ARHGEF28: variants seen among roughly 807,000 people sequenced by gnomAD.
The protein encoded by ARHGEF28 is 190 kDa guanine nucleotide exchange factor.
ARHGEF28 carries 152 observed loss-of-function variants against 206.6 expected under a neutral mutation model. The ratio of observed to expected loss-of-function variants is 0.74; its 90% CI spans 0.64 to 0.84. ARHGEF28 has a LOEUF of 0.84. Among genes scored for constraint, ARHGEF28 ranks in the 40% least tolerant of loss-of-function variants. The pLI is 0.00. For synonymous variants in ARHGEF28, 763 were observed against 776.4 expected (o/e 0.98, Z 0.29); for missense variants, 2,028 against 2,073.2 (o/e 0.98, Z 0.42).
At chr5:73,792,622 G>C (rs1754545374) in intron 7 of ARHGEF28, among the ~76,000 whole-genome samples, 1 of 150,480 alleles carries the variant, frequency 6.6e-6, no homozygotes, top group African/African-American at 2.4e-5. Flanking sequence ...TGAAACTCTG[G>C]TCCAGGTTAT....
intron 2 of ARHGEF28, among the ~76,000 whole-genome samples, chr5:73,718,751 G>C (rs926429791): frequency 1.5e-4 from 23 of 152,074 alleles, no homozygotes; most frequent in African/African-American, 5.1e-4. Flanking sequence ...TACTCCTGAG[G>C]GACATCTTTC....
Position 73,867,831 on chromosome 5 carries a change from A to T in ARHGEF28, c.2153-45A>T, listed in dbSNP as rs1304592804. On this transcript the variant is annotated intron_variant, in intron 18 of 35. Transcript: ENST00000513042. Reference sequence around the variant, plus strand: ...TTTTAAGTGACTACTTTTACTTGTAATTACTGACCTGGAAACCACATGAAG... The same window carrying T: ...TTTTAAGTGACTACTTTTACTTGTATTTACTGACCTGGAAACCACATGAAG... 5.0e-6 allele frequency: 8 copies of T among 1,611,900 alleles called. No individual in the cohort carries two copies. In the African/African-American group the frequency reaches 1.1e-4, roughly 22 times the overall value.
chr5:73,935,294 T>G (rs1455702841), intron 35 of ARHGEF28, among the ~76,000 whole-genome samples: 1 of 152,096 alleles, frequency 6.6e-6, no homozygotes, highest in Non-Finnish European at 1.5e-5. Flanking sequence ...CACAGCACAC[T>G]TCAGTTGTTT....
At chr5:73,904,091 C>T in intron 31 of ARHGEF28, 131 bp from the exon 32 acceptor site, 8 of 806,260 alleles carry the variant, frequency 9.9e-6, no homozygotes, top group Non-Finnish European at 1.6e-5. Context: ...GAAACTGAGT[C>T]AGTATAGATA....
At chr5:73,930,043 C>T (rs1764019557) in intron 35 of ARHGEF28, among the ~76,000 whole-genome samples, 1 of 151,990 alleles carries the variant, frequency 6.6e-6, no homozygotes, top group South Asian at 2.1e-4. Flanking sequence ...GGGATCTTAC[C>T]AATTTTTTCC....
intron 25 of ARHGEF28, 94 bp from the exon 26 acceptor site, chr5:73,887,509 C>T: frequency 2.1e-6 from 2 of 962,578 alleles, no homozygotes; most frequent in Non-Finnish European, 3.0e-6. Context: ...ATAAAACTTT[C>T]ATACTTAGAC....
chr5:73,857,824 T>C (rs1223278836), intron 15 of ARHGEF28, 45 bp downstream of exon 15: 4 of 1,571,068 alleles, frequency 2.5e-6, no homozygotes, highest in South Asian at 2.4e-5. Flanking sequence ...ATAGACATTT[T>C]AGTTTCTCAG....
At chr5:73,904,201 C>T (rs749158265) in intron 31 of ARHGEF28, 21 bp from the exon 32 acceptor site, 15 of 1,612,440 alleles carry the variant, frequency 9.3e-6, no homozygotes, top group Non-Finnish European at 1.3e-5. Context: ...TATTCATTTT[C>T]TTGTTTTTTA....
At chr5:73,630,030 G>A (rs534898517) in intron 1 of ARHGEF28, among the ~76,000 whole-genome samples, 43 of 152,290 alleles carry the variant, frequency 2.8e-4, no homozygotes, top group African/African-American at 9.9e-4. Context: ...CAGGCAAATA[G>A]CATTCTGCCT....
intron 9 of ARHGEF28, among the ~76,000 whole-genome samples, chr5:73,827,438 C>T (rs976388413): frequency 6.6e-6 from 1 of 152,136 alleles, no homozygotes; most frequent in African/African-American, 2.4e-5. Context: ...TTATAGGGTG[C>T]TTACTATGTC....
chr5:73,789,009 C>G (rs1339848628), intron 7 of ARHGEF28, among the ~76,000 whole-genome samples: 1 of 152,004 alleles, frequency 6.6e-6, no homozygotes, highest in Non-Finnish European at 1.5e-5. Context: ...AATTATACTC[C>G]TAGGCATATA....
At chr5:73,723,598 T>C (rs1035709558) in intron 2 of ARHGEF28, among the ~76,000 whole-genome samples, 4 of 152,254 alleles carry the variant, frequency 2.6e-5, no homozygotes, top group Admixed American at 1.3e-4. Context: ...GGTTTATTTG[T>C]ATGCTTTTCT....
rs746245962 is a variant in ARHGEF28 at position 73,885,850 on chromosome 5, A to G, written c.3056A>G (p.Glu1019Gly). 1.6e-5 allele frequency: 26 copies of G among 1,600,648 alleles called. 1 individual carries two copies. In the South Asian group the frequency reaches 2.4e-4, roughly 15 times the overall value. ...LVERILQYTK[E>G]RTEEHKDLRK... ...TTGTTTGTTTCTTTTTCCCACGCAGAAAGAACTGAGGAACATAAAGACTTA... is the reference window on the plus strand; with the variant it reads ...TTGTTTGTTTCTTTTTCCCACGCAGGAAGAACTGAGGAACATAAAGACTTA... The change falls in exon 25 of 36, where the codon GAA becomes GGA. Residue 1019 changes from glutamate (E) to glycine (G), a missense_variant and splice_region_variant. Coordinates refer to ENST00000513042, the MANE Select transcript of ARHGEF28 (RefSeq NM_001177693.2).
At chr5:73,885,624 A>G (rs1430364492) in intron 24 of ARHGEF28, among the ~76,000 whole-genome samples, 1 of 151,978 alleles carries the variant, frequency 6.6e-6, no homozygotes, top group Non-Finnish European at 1.5e-5. Flanking sequence ...CAAAAGGCAC[A>G]TGCCACTATG....
chr5:73,815,345 T>TA lies in ARHGEF28; in HGVS notation c.1025-16993_1025-16992insA, dbSNP rs1262482662. Among the ~76,000 whole-genome samples, 14 of 152,146 alleles carry TA rather than the reference T, an allele frequency of 9.2e-5. No individual in the cohort carries two copies. In the East Asian group the frequency reaches 2.1e-3, roughly 23 times the overall value. ...TGCTGCTGTTATTCTTTCAGCTTTT[T>TA]TAAAAAAAATAGTGGATATCCTTGA... On this transcript the variant is annotated intron_variant, in intron 9 of 35. Transcript: ENST00000513042.
intron 11 of ARHGEF28, among the ~76,000 whole-genome samples, chr5:73,842,275 C>T (rs1223814465): frequency 6.6e-6 from 1 of 152,018 alleles, no homozygotes; most frequent in Middle Eastern, 3.2e-3. Context: ...ACATATGTGA[C>T]TATGTATATA....
Position 73,928,697 on chromosome 5 carries a change from G to T in ARHGEF28, c.4949-12147G>T, listed in dbSNP as rs187431531. ...TGCCTTACTCAGCTGGCAGAGAAAT[G>T]AATTTGATTTTTCTTCTCTCAGCAA... On this transcript the variant is annotated intron_variant, in intron 35 of 35. Coordinates refer to ENST00000513042, the MANE Select transcript of ARHGEF28 (RefSeq NM_001177693.2). Among the ~76,000 whole-genome samples, 421 of 152,224 alleles carry T rather than the reference G, an allele frequency of 2.8e-3. 1 individual carries two copies. Among genetic ancestry groups the T allele is most frequent in the Middle Eastern group, 0.01 (3 of 294 alleles).
chr5:73,811,530 A>T (rs1755834889), intron 9 of ARHGEF28, among the ~76,000 whole-genome samples: 1 of 152,184 alleles, frequency 6.6e-6, no homozygotes, highest in South Asian at 2.1e-4. Context: ...TGTGCTCTAA[A>T]ATCAAGAGTG....
Position 73,835,062 on chromosome 5 carries a change from G to A in ARHGEF28, c.1146+2603G>A, listed in dbSNP as rs538016177. On this transcript the variant is annotated intron_variant, in intron 10 of 35. Transcript: ENST00000513042. ...GGCCAAGGCAGGGTTACAGGATTGG[G>A]ATTTTCAGCTCCACCTACCAGCATC... 7.2e-5 allele frequency: 11 copies of A among 152,296 alleles called. No individual in the cohort carries two copies. The South Asian group carries it at 2.1e-3, about 29-fold the overall frequency. 9.4% of individuals were successfully genotyped at this position (152,296 alleles called of 1,614,324 possible).
Sources: allele counts gnomAD v4.1 joint callset (sites outside exome capture counted in the v4.1 genomes callset), GRCh38; gene constraint gnomAD v4.1.1; transcripts MANE v1.5; gene names NCBI Gene and HGNC (gene_info 2026-07-23, HGNC 2026-07-21).